Variants in VPS13B observed in about 807,000 individuals in gnomAD.
VPS13B encodes the protein intermembrane lipid transfer protein VPS13B.
A neutral mutation model predicts 426.4 loss-of-function variants in VPS13B; 285 were observed. That is an observed-to-expected ratio of 0.67 (90% CI 0.61 to 0.74). VPS13B has a LOEUF of 0.74. Ranked by LOEUF, VPS13B falls within the 30% of genes least tolerant of loss-of-function variation. The pLI, the probability that VPS13B is intolerant of heterozygous loss-of-function variation, is 0.00. For synonymous variants in VPS13B, 1,676 were observed against 1,676.4 expected, an observed-to-expected ratio of 1.00 and a Z score of 0.01; for missense variants, 4,537 against 4,782.6, an observed-to-expected ratio of 0.95 and a Z score of 1.51.
At chr8:99,844,753 C>T (rs746721586) in intron 54 of VPS13B, among the ~76,000 whole-genome samples, 4 of 152,156 alleles carry the variant, frequency 2.6e-5, no homozygotes, top group Non-Finnish European at 4.4e-5. Context: ...AGAATTTCAG[C>T]GTATGAATTT....
intron 21 of VPS13B, among the ~76,000 whole-genome samples, chr8:99,419,657 A>G (rs780457632): frequency 2.0e-5 from 3 of 152,242 alleles, no homozygotes; most frequent in Non-Finnish European, 4.4e-5. Flanking sequence ...ATAAAAATTG[A>G]CAATGATTTT....
Position 99,859,344 on chromosome 8 carries a change from A to G in VPS13B, c.10908A>G (p.Ala3636=), listed in dbSNP as rs1191575037. 3 of 1,613,996 alleles carry G rather than the reference A, an allele frequency of 1.9e-6. No individual in the cohort carries two copies. Among genetic ancestry groups the G allele is most frequent in the Non-Finnish European group, 2.5e-6 (3 of 1,179,986 alleles). Residue 3636 remains alanine, a synonymous_variant, in exon 57 of 62, where the codon GCA becomes GCG. Coordinates refer to ENST00000357162, the MANE Select transcript of VPS13B (RefSeq NM_152564.5). The part of the protein sequence containing the change: ...VGSLDILGSP[A]SLVRSIGNGV... ...CTCTGGATATTCTTGGCAGCCCTGC[A>G]AGCCTGGTGAGAAGCATCGGGAACG...
intron 50 of VPS13B, 35 bp from the exon 51 acceptor site, chr8:99,823,797 A>T (rs1239894352): frequency 1.2e-6 from 2 of 1,603,352 alleles, no homozygotes; most frequent in African/African-American, 2.7e-5. Context: ...GCCTTACAGT[A>T]TTGTCAAAAT....
intron 40 of VPS13B, among the ~76,000 whole-genome samples, chr8:99,769,168 A>G (rs547401421): frequency 1.3e-5 from 2 of 152,306 alleles, no homozygotes; most frequent in South Asian, 4.1e-4. Flanking sequence ...CTTTGTCCTC[A>G]CCAGGGATTT....
chr8:99,070,831 G>A (rs1203714684), intron 3 of VPS13B, among the ~76,000 whole-genome samples: 1 of 151,698 alleles, frequency 6.6e-6, no homozygotes, highest in Non-Finnish European at 1.5e-5. Context: ...CCTGTTTTCA[G>A]TCTCACTAAT....
At position 99,835,685 on chromosome 8, in the gene VPS13B, G is replaced by A. The variant is rs767969153; in HGVS notation, c.9889G>A (p.Glu3297Lys). ...SLLLRVEPLD[E>K]VTTEWSDAID... Reference sequence around the variant, plus strand: ...ACTTTTGAGAGTTGAACCTCTAGATGAAGTAACAACTGAGTGGAGTGATGC... The same window carrying A: ...ACTTTTGAGAGTTGAACCTCTAGATAAAGTAACAACTGAGTGGAGTGATGC... Residue 3297 changes from glutamate to lysine, a missense_variant, in exon 54 of 62, where the codon GAA becomes AAA. Glu to Lys is a moderately conservative substitution (Grantham distance 56, BLOSUM62 1). Transcript: ENST00000357162. 1.9e-6 allele frequency: 3 copies of A among 1,614,146 alleles called. No individual in the cohort carries two copies. Among genetic ancestry groups the A allele is most frequent in the Non-Finnish European group, 1.7e-6 (2 of 1,180,016 alleles).
intron 44 of VPS13B, among the ~76,000 whole-genome samples, chr8:99,817,276 AT>A (rs912642654): frequency 4.0e-5 from 6 of 151,162 alleles, no homozygotes; most frequent in African/African-American, 1.5e-4. Context: ...CCACCTCCAC[AT>A]TTTCTCTGGC....
At chr8:99,530,722 G>A (rs193098985) in intron 30 of VPS13B, among the ~76,000 whole-genome samples, 3 of 152,054 alleles carry the variant, frequency 2.0e-5, no homozygotes, top group Non-Finnish European at 1.5e-5. Flanking sequence ...TGCTTTCAAT[G>A]CAATGCCTAC....
At chr8:99,569,197 A>G (rs1247243728) in intron 31 of VPS13B, among the ~76,000 whole-genome samples, 3 of 152,004 alleles carry the variant, frequency 2.0e-5, no homozygotes, top group African/African-American at 7.3e-5. Context: ...ATACTAAGAA[A>G]ATCTTTATGT....
intron 39 of VPS13B, among the ~76,000 whole-genome samples, chr8:99,733,201 C>A (rs1833673728): frequency 6.6e-6 from 1 of 152,154 alleles, no homozygotes; most frequent in Admixed American, 6.5e-5. Flanking sequence ...CAATAAAAAC[C>A]ATTATCCATT....
rs528246136 is a variant in VPS13B at position 99,149,226 on chromosome 8, C to T, written c.2013+1216C>T. Among the ~76,000 whole-genome samples the T allele has an allele frequency of 7.9e-5, 12 of 152,332 alleles. No individual in the cohort carries two copies. In the East Asian group the frequency reaches 2.3e-3, roughly 29 times the overall value. On this transcript the variant is annotated intron_variant, in intron 14 of 61. Coordinates refer to ENST00000357162, the MANE Select transcript of VPS13B (RefSeq NM_152564.5). ...TGTATTAGGAACTGAGTGATGTCTG[C>T]TGTAATTGTTGAGAATGCTTAATAT...
intron 33 of VPS13B, among the ~76,000 whole-genome samples, chr8:99,602,666 A>G (rs974667832): frequency 6.6e-6 from 1 of 152,242 alleles, no homozygotes. Flanking sequence ...CCTTAAGCTG[A>G]TAAGCAACTT....
chr8:99,135,191 C>G, intron 10 of VPS13B, 54 bp downstream of exon 10: 1 of 1,606,342 alleles, frequency 6.2e-7, no homozygotes, highest in Non-Finnish European at 8.5e-7. Context: ...TAATTAAGTG[C>G]TTACTGAAGT....
At chr8:99,573,214 A>G (rs1181623763) in intron 31 of VPS13B, among the ~76,000 whole-genome samples, 1 of 152,144 alleles carries the variant, frequency 6.6e-6, no homozygotes, top group Non-Finnish European at 1.5e-5. Context: ...TTGTCAGATG[A>G]GTAGCTTGCA....
At chr8:99,808,175 TGAAA>T (rs1213654381) in intron 43 of VPS13B, among the ~76,000 whole-genome samples, 1 of 152,202 alleles carries the variant, frequency 6.6e-6, no homozygotes, top group East Asian at 1.9e-4. Context: ...ATATGTGATA[TGAAA>T]GAAAGATTTA....
At chr8:99,311,633 G>A (rs970815999) in intron 19 of VPS13B, among the ~76,000 whole-genome samples, 2 of 152,212 alleles carry the variant, frequency 1.3e-5, no homozygotes, top group Non-Finnish European at 2.9e-5. Context: ...GTGCTGAGAA[G>A]AATGTATATT....
At chr8:99,458,356 C>T (rs368190224) in intron 23 of VPS13B, among the ~76,000 whole-genome samples, 9 of 149,490 alleles carry the variant, frequency 6.0e-5, no homozygotes, top group African/African-American at 1.5e-4. Flanking sequence ...TTTGCTATTG[C>T]GAATAGTGCC....
At chr8:99,263,933 T>G (rs2132958800) in intron 17 of VPS13B, among the ~76,000 whole-genome samples, 1 of 152,318 alleles carries the variant, frequency 6.6e-6, no homozygotes, top group South Asian at 2.1e-4. Context: ...AATATAATTA[T>G]GTCACAGTTT....
chr8:99,741,236 C>G (rs1002105959), intron 39 of VPS13B, among the ~76,000 whole-genome samples: 4 of 152,160 alleles, frequency 2.6e-5, no homozygotes, highest in Non-Finnish European at 5.9e-5. Context: ...AAGGCCATTA[C>G]ATAATGGTAA....
Sources: allele counts gnomAD v4.1 joint callset (sites outside exome capture counted in the v4.1 genomes callset), GRCh38; gene constraint gnomAD v4.1.1; transcripts MANE v1.5; gene names NCBI Gene and HGNC (gene_info 2026-07-23, HGNC 2026-07-21).